The following ADCY2 variants were observed in gnomAD, a reference collection of about 807,000 sequenced individuals.
The protein encoded by ADCY2 is adenylate cyclase 2.
ADCY2 carries 31 observed loss-of-function variants against 125.2 expected under a neutral mutation model. The observed-to-expected ratio is 0.25, with a 90% CI of 0.19 to 0.33. ADCY2 has a LOEUF of 0.33. Ranked by LOEUF, ADCY2 falls within the 10% of genes least tolerant of loss-of-function variation. ADCY2 has a pLI of 1.00. For synonymous variants in ADCY2, 512 were observed against 548.4 expected (o/e 0.93, Z 0.93); for missense variants, 904 against 1,418.2 (o/e 0.64, Z 5.82).
Position 7,724,146 on chromosome 5 carries a change from C to T in ADCY2, c.1704-399C>T, listed in dbSNP as rs532532172. Reference sequence around the variant, plus strand: ...AAAAAAAAAAAAAAAAAAGGTGCTTCTCTAGGAACTAGATCCTTAAGGAGG... The same window carrying T: ...AAAAAAAAAAAAAAAAAAGGTGCTTTTCTAGGAACTAGATCCTTAAGGAGG... On this transcript the variant is annotated intron_variant, in intron 12 of 24. Coordinates refer to ENST00000338316, the MANE Select transcript of ADCY2 (RefSeq NM_020546.3). 7.2e-3 allele frequency among the ~76,000 whole-genome samples: 958 copies of T among 132,334 alleles called. 5 individuals carry two copies. The highest frequency in any genetic ancestry group is 0.011 in the Non-Finnish European group (696 of 63,200). The allele number at this position is 132,334 out of a possible 152,430, so 86.8% of individuals were successfully genotyped here. A position where few individuals can be genotyped will look rare whatever the true frequency, so the allele number is the denominator to read the frequency against.
At chr5:7,427,749 G>A (rs957296834) in intron 2 of ADCY2, among the ~76,000 whole-genome samples, 2 of 152,244 alleles carry the variant, frequency 1.3e-5, no homozygotes, top group Admixed American at 6.5e-5. Context: ...CTTTGTTTTG[G>A]TGGGGAAGGG....
chr5:7,414,859 A>G, intron 2 of ADCY2, 89 bp downstream of exon 2: 10 of 1,136,738 alleles, frequency 8.8e-6, no homozygotes, highest in Non-Finnish European at 8.5e-6. Context: ...TAAACTTTGA[A>G]GAGGAGTCCT....
intron 2 of ADCY2, among the ~76,000 whole-genome samples, chr5:7,461,427 T>C (rs1391175111): frequency 1.3e-5 from 2 of 152,380 alleles, no homozygotes; most frequent in East Asian, 1.9e-4. Flanking sequence ...CATTGTGATA[T>C]GCATCAAATC....
intron 2 of ADCY2, among the ~76,000 whole-genome samples, chr5:7,509,979 C>G (rs1183285766): frequency 6.6e-6 from 1 of 152,086 alleles, no homozygotes; most frequent in Non-Finnish European, 1.5e-5. Context: ...TGCAAACGGA[C>G]AGTTTGGTTA....
chr5:7,398,010 A>G (rs1392525245), intron 1 of ADCY2, among the ~76,000 whole-genome samples: 2 of 152,214 alleles, frequency 1.3e-5, no homozygotes, highest in Non-Finnish European at 2.9e-5. Flanking sequence ...CTCATGGGCA[A>G]GCAGGATCTC....
intron 20 of ADCY2, among the ~76,000 whole-genome samples, chr5:7,792,638 C>T (rs907105149): frequency 3.9e-5 from 6 of 152,182 alleles, no homozygotes; most frequent in African/African-American, 1.4e-4. Context: ...TTCCTGTTTG[C>T]TTGGCTTATT....
At chr5:7,718,901 G>A (rs1354384809) in intron 12 of ADCY2, among the ~76,000 whole-genome samples, 1 of 152,104 alleles carries the variant, frequency 6.6e-6, no homozygotes, top group Non-Finnish European at 1.5e-5. Flanking sequence ...TGAAGCAGAG[G>A]AAATAGCATC....
chr5:7,427,795 G>A (rs955223601), intron 2 of ADCY2, among the ~76,000 whole-genome samples: 1 of 152,158 alleles, frequency 6.6e-6, no homozygotes, highest in African/African-American at 2.4e-5. Context: ...ACCAAGGAAG[G>A]AACTCAGATA....
chr5:7,483,514 A>G (rs555095779), intron 2 of ADCY2, among the ~76,000 whole-genome samples: 95 of 152,352 alleles, frequency 6.2e-4, no homozygotes, highest in African/African-American at 2.1e-3. Context: ...TGTCATGTAA[A>G]AATGTAAGAG....
At chr5:7,686,971 AGCTGTCACCAG>A (rs1740540215) in intron 4 of ADCY2, among the ~76,000 whole-genome samples, 1 of 152,172 alleles carries the variant, frequency 6.6e-6, no homozygotes, top group Non-Finnish European at 1.5e-5. Flanking sequence ...ATGGACCCTG[AGCTGTCACCAG>A]GTGCAGTGCT....
chr5:7,561,221 T>G (rs1735697310), intron 3 of ADCY2, among the ~76,000 whole-genome samples: 1 of 152,252 alleles, frequency 6.6e-6, no homozygotes, highest in Non-Finnish European at 1.5e-5. Context: ...AATATTGTCA[T>G]GAATTGTTTG....
At chr5:7,415,456 T>C (rs16878631) in intron 2 of ADCY2, among the ~76,000 whole-genome samples, 8,919 of 152,232 alleles carry the variant, frequency 0.059, 847 homozygotes, top group African/African-American at 0.2. Flanking sequence ...TTTCGACAAC[T>C]CAGTCCTTCT....
chr5:7,769,570 A>G (rs1743496508), intron 17 of ADCY2, among the ~76,000 whole-genome samples: 1 of 152,208 alleles, frequency 6.6e-6, no homozygotes, highest in Non-Finnish European at 1.5e-5. Context: ...ATCCTTTCAT[A>G]TATTTCCCAA....
chr5:7,706,987 G>A, intron 8 of ADCY2, 85 bp downstream of exon 8: 1 of 1,525,434 alleles, frequency 6.6e-7, no homozygotes, highest in Non-Finnish European at 8.9e-7. Flanking sequence ...GGAGTGCTCA[G>A]TTTTTGATCA....
At chr5:7,742,142 A>T (rs2126430671) in intron 14 of ADCY2, among the ~76,000 whole-genome samples, 1 of 151,964 alleles carries the variant, frequency 6.6e-6, no homozygotes, top group East Asian at 1.9e-4. Context: ...AAAAAAAAAA[A>T]AACCTGTCAG....
chr5:7,741,149 A>G (rs1343329536), intron 14 of ADCY2, among the ~76,000 whole-genome samples: 1 of 152,126 alleles, frequency 6.6e-6, no homozygotes. Flanking sequence ...TCTAAATGAA[A>G]TAGATAATTT....
chr5:7,810,031 T>G (rs1744882748), intron 22 of ADCY2, among the ~76,000 whole-genome samples: 1 of 152,208 alleles, frequency 6.6e-6, no homozygotes, highest in South Asian at 2.1e-4. Flanking sequence ...TCAATGGCCC[T>G]TCGTTTTGCC....
chr5:7,813,181 GA>G (rs1345422078), intron 22 of ADCY2, among the ~76,000 whole-genome samples: 2 of 152,204 alleles, frequency 1.3e-5, no homozygotes, highest in Non-Finnish European at 2.9e-5. Flanking sequence ...ATGCTCCTTA[GA>G]TAACAATCCC....
chr5:7,585,500 A>G (rs1239406507), intron 3 of ADCY2, among the ~76,000 whole-genome samples: 2 of 152,356 alleles, frequency 1.3e-5, no homozygotes, highest in East Asian at 3.9e-4. Context: ...TGCTCCTGGA[A>G]TATCATCAAC....
Sources: gnomAD v4.1 joint callset for allele counts (sites outside exome capture counted in the v4.1 genomes callset) on GRCh38, gnomAD v4.1.1 for gene constraint, MANE v1.5 for transcripts, NCBI Gene and HGNC (gene_info 2026-07-23, HGNC 2026-07-21) for gene names.